The following CYP17A1 variants were observed in gnomAD, a reference collection of about 807,000 sequenced individuals.
The protein encoded by CYP17A1 is steroid 17-alpha-hydroxylase/17,20 lyase.
Under a neutral mutation model 38.5 loss-of-function variants are expected in CYP17A1, and 27 were observed. That is an observed-to-expected ratio of 0.70 (90% CI 0.52 to 0.97). The LOEUF is 0.97. CYP17A1 is among the 50% of genes least tolerant of loss of function. CYP17A1 has a pLI of 0.00. For missense variants in CYP17A1, 549 were observed against 645.9 expected (o/e 0.85, Z 1.63); for synonymous variants, 263 against 253.3 (o/e 1.04, Z -0.36).
At chr10:102,836,463 A>G (rs1844163841) in intron 1 of CYP17A1, among the ~76,000 whole-genome samples, 1 of 151,128 alleles carries the variant, frequency 6.6e-6, no homozygotes, top group Middle Eastern at 3.2e-3. Context: ...CTCAAAAAAA[A>G]AAAAAAAAAA....
At chr10:102,834,150 C>T (rs956795625) in intron 3 of CYP17A1, 28 bp from the exon 4 acceptor site, 6 of 940,142 alleles carry the variant, frequency 6.4e-6, no homozygotes, top group African/African-American at 1.6e-5. Context: ...ATGTTAAATC[C>T]ACCCTTCTTC....
intron 3 of CYP17A1, 92 bp from the exon 4 acceptor site, chr10:102,834,214 T>C: frequency 1.3e-6 from 1 of 748,342 alleles, no homozygotes; most frequent in Admixed American, 2.0e-5. Flanking sequence ...CTTAGCTTTC[T>C]GTCTCTGGAA....
chr10:102,835,115 G>A (rs1249677261), intron 2 of CYP17A1, 101 bp from the exon 3 acceptor site: 3 of 1,076,634 alleles, frequency 2.8e-6, no homozygotes, highest in Non-Finnish European at 4.3e-6. Flanking sequence ...GATAGCAGAT[G>A]GCCACTAGAT....
At chr10:102,835,966 T>G (rs931358058) in intron 1 of CYP17A1, among the ~76,000 whole-genome samples, 4 of 152,132 alleles carry the variant, frequency 2.6e-5, no homozygotes, top group Admixed American at 6.5e-5. Context: ...CCGAGCCGCC[T>G]CCTCCTAGAG....
chr10:102,832,031 A>T lies in CYP17A1; in HGVS notation c.1140-420T>A, dbSNP rs114337686. ...ATGCGTGTCTGTAGGTGGTAGAGAC[A>T]TGGAGCCACGGGGCTGGGGGCAGGA... is the stretch of plus-strand genomic sequence containing the variant. On this transcript the variant is annotated intron_variant, in intron 6 of 7. Coordinates refer to ENST00000369887, the MANE Select transcript of CYP17A1 (RefSeq NM_000102.4). Among the ~76,000 whole-genome samples the T allele has an allele frequency of 2.3e-3, 343 of 152,260 alleles. 4 individuals are homozygous for T. Among genetic ancestry groups the T allele is most frequent in the African/African-American group, 7.8e-3 (325 of 41,550 alleles).
intron 6 of CYP17A1, 103 bp downstream of exon 6, chr10:102,832,408 T>C (rs1844102534): frequency 1.2e-6 from 1 of 804,034 alleles, no homozygotes; most frequent in African/African-American, 1.7e-5. Flanking sequence ...GTTGACTGAC[T>C]TTAGGTTGGC....
chr10:102,834,349 C>T (rs1018136840), intron 3 of CYP17A1: 6 of 579,598 alleles, frequency 1.0e-5, no homozygotes, highest in South Asian at 4.0e-5. Context: ...CCTCTCCTTC[C>T]CCATTCAATC....
At chr10:102,837,027 G>T (rs45473095) in intron 1 of CYP17A1, 38 bp downstream of exon 1, 4 of 1,223,402 alleles carry the variant, frequency 3.3e-6, no homozygotes, top group Non-Finnish European at 3.6e-6. Context: ...ATCCCAGGGG[G>T]TGGTGAAGGG....
rs1844105374 is a variant in CYP17A1 at position 102,832,637 on chromosome 10, A to G, written c.1013T>C (p.Phe338Ser). ...LYEEIDQNVG[F>S]SRTPTISDRN... ...GTCACTGATAGTTGGTGTGCGGCTG[A>G]AACCCACATTCTGGTCAATCTCCTC... The change falls in exon 6 of 8, where the codon TTC becomes TCC. Residue 338 changes from phenylalanine to serine, a missense_variant. This residue lies in a region of CYP17A1 where 257 missense variants were observed against 307.9 expected (regional missense o/e 0.83). Coordinates refer to ENST00000369887, the MANE Select transcript of CYP17A1 (RefSeq NM_000102.4). 1 of 1,609,224 alleles carries G rather than the reference A, an allele frequency of 6.2e-7. No individual in the cohort carries two copies.
Position 102,833,112 on chromosome 10 carries a change from AG to A in CYP17A1, c.849del (p.Ser284GlnfsTer13), listed in dbSNP as rs1564778398. The A allele has an allele frequency of 6.2e-7, 1 of 1,614,112 alleles. No individual in the cohort carries two copies. Among genetic ancestry groups the A allele is most frequent in the East Asian group, 2.2e-5 (1 of 44,880 alleles). On this transcript the variant is annotated frameshift_variant, in exon 5 of 8. Coordinates refer to ENST00000369887, the MANE Select transcript of CYP17A1 (RefSeq NM_000102.4). LOFTEE classifies it high-confidence loss of function. The part of the protein sequence containing the change: ...SDNGNAGPDQ[D>X]SELLSDNHIL... ...ATGTGGTTATCTGAAAGCAGCTCTG[AG>A]TCTTGATCTGGGCCAGCATTGCCAT...
At position 102,832,521 on chromosome 10, in the gene CYP17A1, CGTT is replaced by C. The variant is rs1564778090; in HGVS notation, c.1126_1128del (p.Asn376del). ...GGAGGGCAGGCACACCTGGAGTCAA[CGTT>C]GGCCTTGTGGGGGATGAGCATAGGG... On this transcript the variant is annotated inframe_deletion, in exon 6 of 8. Coordinates refer to ENST00000369887, the MANE Select transcript of CYP17A1 (RefSeq NM_000102.4). 6.2e-7 allele frequency: 1 copy of C among 1,606,214 alleles called. No individual in the cohort carries two copies. Among genetic ancestry groups the C allele is most frequent in the South Asian group, 1.1e-5 (1 of 90,946 alleles).
In CYP17A1 at chr10:102,830,547, A is replaced by AT. The variant is rs1243122857; in HGVS notation, c.*154_*155insA. 1 of 607,786 alleles carries AT rather than the reference A, an allele frequency of 1.6e-6. No individual in the cohort carries two copies. The highest frequency in any genetic ancestry group is 1.9e-5 in the African/African-American group (1 of 53,810). 37.6% of individuals were successfully genotyped at this position (607,786 alleles called of 1,614,324 possible). A position where few individuals can be genotyped will look rare whatever the true frequency, so the allele number is the denominator to read the frequency against. ...TCAGGGACCTTATGGAAAAAAAAAA[A>AT]CTGTTTATGCACATCACTGGCATTG... On this transcript the variant is annotated 3_prime_UTR_variant, in exon 8 of 8. Coordinates refer to ENST00000369887, the MANE Select transcript of CYP17A1 (RefSeq NM_000102.4). This position sits in a 1 kb window ranked among gnomAD's most constrained non-coding sequence, Gnocchi z 4.1.
intron 2 of CYP17A1, 69 bp downstream of exon 2, chr10:102,835,185 A>G (rs1312591237): frequency 6.9e-7 from 1 of 1,439,954 alleles, no homozygotes; most frequent in Admixed American, 1.7e-5. Context: ...ACCCCTGCCC[A>G]ACCCTCCTCT....
rs1844148161 is a variant in CYP17A1, at chr10:102,835,356, T to C, written c.334A>G (p.Ile112Val). 3 of 1,612,540 alleles carry C rather than the reference T, an allele frequency of 1.9e-6. No individual in the cohort carries two copies. Among genetic ancestry groups the C allele is most frequent in the African/African-American group, 1.3e-5 (1 of 74,908 alleles). The change falls in exon 2 of 8, where the codon ATC becomes GTC. Residue 112 changes from isoleucine (I) to valine (V), a missense_variant. Ile to Val is a conservative substitution (Grantham distance 29). This residue lies in a region of CYP17A1 where 289 missense variants were observed against 320.9 expected (regional missense o/e 0.90). Transcript: ENST00000369887. ...TGTGCGCCAGAGTCAGCGAAGGCGATACCCTTACGGTTGTTGGACGCGATG... is the reference window on the plus strand; with the variant it reads ...TGTGCGCCAGAGTCAGCGAAGGCGACACCCTTACGGTTGTTGGACGCGATG... ...LDIASNNRKG[I>V]AFADSGAHWQ...
rs975438255 is a variant in CYP17A1, at chr10:102,830,633, G to A, written c.*69C>T. The A allele has an allele frequency of 1.1e-5, 9 of 856,808 alleles. No homozygotes were observed. Among genetic ancestry groups the A allele is most frequent in the Non-Finnish European group, 1.2e-5 (6 of 514,924 alleles). The allele number at this position is 856,808 out of a possible 1,614,324, so 53.1% of individuals were successfully genotyped here. A position where few individuals can be genotyped will look rare whatever the true frequency, so the allele number is the denominator to read the frequency against. On this transcript the variant is annotated 3_prime_UTR_variant, in exon 8 of 8. Coordinates refer to ENST00000369887, the MANE Select transcript of CYP17A1 (RefSeq NM_000102.4). This position sits in a 1 kb window ranked among gnomAD's most constrained non-coding sequence, Gnocchi z 4.1. ...GTAGGGAAGAATGGCGGAGAAGGGTGGGGGGTTGTATCTCTAAATCTGTGT... is the reference window on the plus strand; with the variant it reads ...GTAGGGAAGAATGGCGGAGAAGGGTAGGGGGTTGTATCTCTAAATCTGTGT...
rs1408860561 is a variant in CYP17A1 at position 102,831,533 on chromosome 10, C to T, written c.1218G>A (p.Trp406Ter). The change falls in exon 7 of 8, where the codon TGG (tryptophan) becomes TGA (stop). Residue 406 changes from tryptophan to a stop codon, truncating the protein, a stop_gained. Transcript: ENST00000369887. LOFTEE classifies it high-confidence loss of function. ...CAGGCATGAACTGATCCGGCTGGTG[C>T]CACTCCTTCTCATTGTGATGCAGCG... The part of the protein sequence containing the change: ...LWALHHNEKE[W>*]HQPDQFMPER... 1 of 1,613,884 alleles carries T rather than the reference C, an allele frequency of 6.2e-7. No individual in the cohort carries two copies. The highest frequency in any genetic ancestry group is 8.5e-7 in the Non-Finnish European group (1 of 1,180,016).
At chr10:102,833,458 G>GGT in intron 4 of CYP17A1, 1 of 374,312 alleles carries the variant, frequency 2.7e-6, no homozygotes, top group Non-Finnish European at 4.8e-6. Flanking sequence ...CCTTGAGTCA[G>GGT]TTTTTTTTTT....
intron 7 of CYP17A1, among the ~76,000 whole-genome samples, chr10:102,831,291 G>C (rs952026053): frequency 6.6e-6 from 1 of 152,232 alleles, no homozygotes; most frequent in African/African-American, 2.4e-5. Flanking sequence ...GGGCTTCTTG[G>C]AGGGTGAATT....
chr10:102,832,553 A>T lies in CYP17A1; in HGVS notation c.1097T>A (p.Val366Glu). 1 of 1,612,114 alleles carries T rather than the reference A, an allele frequency of 6.2e-7. No individual in the cohort carries two copies. Among genetic ancestry groups the T allele is most frequent in the South Asian group, 1.1e-5 (1 of 91,006 alleles). Reference protein sequence around the residue: ...TIREVLRLRPVAPMLIPHKAN... With the variant: ...TIREVLRLRPEAPMLIPHKAN... ...CTTGTGGGGGATGAGCATAGGGGCC[A>T]CGGGCCTGAGGCGAAGCACCTCTCG... Residue 366 changes from valine (V) to glutamate (E), a missense_variant, in exon 6 of 8, where the codon GTG becomes GAG. Val to Glu is a moderately radical substitution (Grantham distance 121). Transcript: ENST00000369887.
Sources: allele counts gnomAD v4.1 joint callset (sites outside exome capture counted in the v4.1 genomes callset), GRCh38; gene constraint gnomAD v4.1.1; regional missense constraint gnomAD v4.1.1; non-coding constraint Gnocchi (gnomAD v3.1); transcripts MANE v1.5; gene names NCBI Gene and HGNC (gene_info 2026-07-23, HGNC 2026-07-21).